ARHGAP25: variants seen among roughly 807,000 people sequenced by gnomAD.
ARHGAP25 encodes rho GTPase-activating protein 25.
A neutral mutation model predicts 71.0 loss-of-function variants in ARHGAP25; 34 were observed. That is an observed-to-expected ratio of 0.48 (90% CI 0.36 to 0.64). ARHGAP25 has a LOEUF of 0.64. Among genes scored for constraint, ARHGAP25 ranks in the 30% least tolerant of loss-of-function variants. The pLI, the probability that ARHGAP25 is intolerant of heterozygous loss-of-function variation, is 0.00. For synonymous variants in ARHGAP25, 282 were observed against 296.5 expected (o/e 0.95, Z 0.50); for missense variants, 706 against 805.1 (o/e 0.88, Z 1.49).
chr2:68,798,902 G>A (rs1025513876), intron 4 of ARHGAP25, among the ~76,000 whole-genome samples: 4 of 152,182 alleles, frequency 2.6e-5, no homozygotes, highest in African/African-American at 9.6e-5. Flanking sequence ...CATCCTAACA[G>A]CAATAGGTAG....
At chr2:68,754,176 C>G (rs1558615708) in intron 1 of ARHGAP25, among the ~76,000 whole-genome samples, 1 of 152,188 alleles carries the variant, frequency 6.6e-6, no homozygotes, top group Admixed American at 6.5e-5. Context: ...TAAATACATA[C>G]AGCCACGTAA....
At chr2:68,783,864 C>T (rs1470749327) in intron 3 of ARHGAP25, among the ~76,000 whole-genome samples, 1 of 152,180 alleles carries the variant, frequency 6.6e-6, no homozygotes, top group Non-Finnish European at 1.5e-5. Flanking sequence ...AAATATCTCT[C>T]TCCCTTTCCA....
rs1041343306 is a variant in ARHGAP25, at chr2:68,762,175, G to A, written c.62-13046G>A. On this transcript the variant is annotated intron_variant, in intron 1 of 10. Coordinates refer to ENST00000409202, the MANE Select transcript of ARHGAP25 (RefSeq NM_001007231.3). The stretch of plus-strand genomic sequence containing the variant: ...TAATTCCACTTATGTGAGGTGCTTA[G>A]AGGAGACAAATTCATAGAGACAGAA... Among the ~76,000 whole-genome samples the A allele has an allele frequency of 2.3e-4, 35 of 152,252 alleles. 1 individual carries two copies. The highest frequency in any genetic ancestry group is 3.4e-3 in the Middle Eastern group (1 of 294).
intron 5 of ARHGAP25, among the ~76,000 whole-genome samples, chr2:68,810,310 G>A (rs1482358971): frequency 6.6e-6 from 1 of 152,180 alleles, no homozygotes; most frequent in Non-Finnish European, 1.5e-5. Context: ...GTTCCATGGT[G>A]TTAAGTGCTA....
chr2:68,787,443 A>T (rs1432214100), intron 3 of ARHGAP25, among the ~76,000 whole-genome samples: 1 of 152,214 alleles, frequency 6.6e-6, no homozygotes. Flanking sequence ...TGAGCTCAGG[A>T]CTAGCTTAGG....
upstream of ARHGAP25, among the ~76,000 whole-genome samples, chr2:68,731,170 A>G (rs1037289853): frequency 1.3e-5 from 2 of 151,946 alleles, no homozygotes; most frequent in African/African-American, 4.8e-5. Flanking sequence ...GAAGATCTGC[A>G]CTCAAGTGCC....
In ARHGAP25 at chr2:68,722,403, C is replaced by A. The variant is rs528436410; in HGVS notation, c.-18+11705C>A. ...GACCAGCCTGGCCAACATGTTAAAA[C>A]CCTGACTCTACTAAAAATGCAAAAA... is the stretch of plus-strand genomic sequence containing the variant. On this transcript the variant is annotated intron_variant and NMD_transcript_variant, in intron 2 of 7. Transcript: ENST00000463483. 2.0e-5 allele frequency among the ~76,000 whole-genome samples: 3 copies of A among 151,786 alleles called. No individual in the cohort carries two copies. In the East Asian group the frequency reaches 5.8e-4, roughly 29 times the overall value.
chr2:68,778,698 C>T (rs757655767), intron 2 of ARHGAP25, among the ~76,000 whole-genome samples: 6 of 152,254 alleles, frequency 3.9e-5, no homozygotes, highest in Middle Eastern at 3.4e-3. Context: ...TTGTCATACC[C>T]TTAGACACAG....
At chr2:68,784,445 C>T (rs776123621) in intron 3 of ARHGAP25, among the ~76,000 whole-genome samples, 1 of 152,016 alleles carries the variant, frequency 6.6e-6, no homozygotes, top group Non-Finnish European at 1.5e-5. Flanking sequence ...CTGTGATCAC[C>T]AGTTTTAGTT....
intron 10 of ARHGAP25, among the ~76,000 whole-genome samples, chr2:68,824,224 T>C (rs1681921448): frequency 6.6e-6 from 1 of 151,860 alleles, no homozygotes; most frequent in African/African-American, 2.4e-5. Flanking sequence ...CACATATGAG[T>C]ATCTTCAACA....
At chr2:68,760,593 A>G (rs1207830546) in intron 1 of ARHGAP25, among the ~76,000 whole-genome samples, 2 of 152,038 alleles carry the variant, frequency 1.3e-5, no homozygotes, top group African/African-American at 4.8e-5. Context: ...AATACCATCA[A>G]AAAGAATAAA....
intron 2 of ARHGAP25, among the ~76,000 whole-genome samples, chr2:68,777,894 C>A (rs1435134154): frequency 2.6e-5 from 4 of 152,006 alleles, no homozygotes; most frequent in Admixed American, 2.6e-4. Flanking sequence ...TCAGCCTTCC[C>A]TATACATATG....
intron 1 of ARHGAP25, among the ~76,000 whole-genome samples, chr2:68,766,148 G>C: frequency 6.6e-6 from 1 of 152,206 alleles, no homozygotes; most frequent in East Asian, 1.9e-4. Flanking sequence ...TTTGGCAATG[G>C]AGGGGTCAGT....
chr2:68,821,092 CTTTTTTTTTTTT>C (rs34119311), intron 9 of ARHGAP25, among the ~76,000 whole-genome samples: 3 of 99,452 alleles, frequency 3.0e-5, no homozygotes, highest in Admixed American at 1.3e-4. Flanking sequence ...CTTTTTCTTT[CTTTTTTTTTTTT>C]TTTTTTTTTT....
Position 68,816,362 on chromosome 2 carries a change from G to T in ARHGAP25, c.881G>T (p.Arg294Met). The change falls in exon 7 of 11, where the codon AGG becomes ATG. Residue 294 changes from arginine (R) to methionine (M), a missense_variant and splice_region_variant. Transcript: ENST00000409202. The part of the protein sequence containing the change: ...DNYSLLSYIC[R>M]FLHEIQLNCA... ...TATAGTCTCCTGAGCTACATCTGCA[G>T]GTGAGAGGCCCCTGGTATCAACTCT... 6.2e-7 allele frequency: 1 copy of T among 1,611,040 alleles called. No individual in the cohort carries two copies. The highest frequency in any genetic ancestry group is 8.5e-7 in the Non-Finnish European group (1 of 1,177,366).
chr2:68,822,210 G>A, intron 9 of ARHGAP25, 130 bp from the exon 10 acceptor site: 1 of 874,652 alleles, frequency 1.1e-6, no homozygotes, highest in Non-Finnish European at 1.8e-6. Context: ...ATCAAGTAAT[G>A]TGATACATTA....
intron 3 of ARHGAP25, 25 bp downstream of exon 3, chr2:68,782,345 G>A: frequency 6.2e-7 from 1 of 1,602,400 alleles, no homozygotes; most frequent in South Asian, 1.1e-5. Flanking sequence ...GTAGGACAGA[G>A]GTGCAGTGCA....
chr2:68,735,362 T>G (rs1675159184), intron 1 of ARHGAP25, 102 bp downstream of exon 1: 7 of 1,240,482 alleles, frequency 5.6e-6, no homozygotes, highest in Admixed American at 1.8e-5. Flanking sequence ...AAAATGGATC[T>G]CGCAGCAAAT....
At chr2:68,802,240 C>T (rs1401359739) in intron 4 of ARHGAP25, among the ~76,000 whole-genome samples, 1 of 74,476 alleles carries the variant, frequency 1.3e-5, no homozygotes, top group Non-Finnish European at 3.7e-5. Flanking sequence ...AACCCCGTCT[C>T]TACTAAAAAT....
Sources: allele counts gnomAD v4.1 joint callset (sites outside exome capture counted in the v4.1 genomes callset), GRCh38; gene constraint gnomAD v4.1.1; transcripts MANE v1.5; gene names NCBI Gene and HGNC (gene_info 2026-07-23, HGNC 2026-07-21).